ZNG1A: variants seen among roughly 807,000 people sequenced by gnomAD.
The protein encoded by ZNG1A is Zn regulated GTPase metalloprotein activator 1A.
the ZNG1A span, chr9:167,080 A>G: frequency 6.7e-6 from 1 of 149,342 alleles, no homozygotes; most frequent in African/African-American, 2.5e-5. Flanking sequence ...AAAGAAGAAA[A>G]CTCTCAGGCA....
the ZNG1A span, among the ~76,000 whole-genome samples, chr9:163,628 CAA>C: frequency 0.055 from 8,353 of 151,674 alleles, 189 homozygotes; most frequent in African/African-American, 0.1. Context: ...TACTAAAAAA[CAA>C]AAGAGGCAGG....
chr9:175,190 C>T, the ZNG1A span, among the ~76,000 whole-genome samples: 1 of 152,064 alleles, frequency 6.6e-6, no homozygotes, highest in African/African-American at 2.4e-5. Flanking sequence ...CCATCCTGGC[C>T]AACATGGCGA....
the ZNG1A span, among the ~76,000 whole-genome samples, chr9:143,097 C>A: frequency 6.9e-6 from 1 of 144,040 alleles, no homozygotes; most frequent in Non-Finnish European, 1.5e-5. Flanking sequence ...AGATTCACAG[C>A]TGAATTCTAC....
At chr9:128,176 G>A in the ZNG1A span, among the ~76,000 whole-genome samples, 1 of 151,234 alleles carries the variant, frequency 6.6e-6, no homozygotes, top group East Asian at 1.9e-4. Context: ...ATCTTTTTGC[G>A]ATGAATTTCC....
At chr9:155,983 T>A in the ZNG1A span, among the ~76,000 whole-genome samples, 3 of 149,266 alleles carry the variant, frequency 2.0e-5, no homozygotes, top group South Asian at 4.3e-4. Context: ...AAAAAAAAAA[T>A]GCAAAAATTA....
At chr9:166,870 C>T in the ZNG1A span, 7 of 151,796 alleles carry the variant, frequency 4.6e-5, no homozygotes, top group East Asian at 1.9e-4. Context: ...AGAATACATA[C>T]GAACAACAAA....
At chr9:166,667 A>C in the ZNG1A span, 44 of 152,722 alleles carry the variant, frequency 2.9e-4, no homozygotes, top group African/African-American at 9.1e-4. Flanking sequence ...AAGCAAGAAG[A>C]AGCAGAATAA....
chr9:174,217 A>C, the ZNG1A span, among the ~76,000 whole-genome samples: 1 of 151,814 alleles, frequency 6.6e-6, no homozygotes, highest in Non-Finnish European at 1.5e-5. Context: ...TTAAGAAAGA[A>C]TAAACTACAT....
the ZNG1A span, among the ~76,000 whole-genome samples, chr9:163,761 C>T: frequency 6.6e-6 from 1 of 151,262 alleles, no homozygotes; most frequent in Non-Finnish European, 1.5e-5. Flanking sequence ...TACTAAAAAT[C>T]CAAAAATTAG....
At chr9:164,006 A>T in the ZNG1A span, 4 of 1,597,962 alleles carry the variant, frequency 2.5e-6, 1 homozygote, top group Non-Finnish European at 3.4e-6. Context: ...TCCCTAATTC[A>T]GCATCAACCC....
chr9:146,254 T>G, the ZNG1A span: 1 of 1,476,696 alleles, frequency 6.8e-7, no homozygotes, highest in South Asian at 1.2e-5. Context: ...ATTTTATACA[T>G]AAAATTCATA....
At chr9:178,690 C>G in the ZNG1A span, 156 of 1,033,012 alleles carry the variant, frequency 1.5e-4, 23 homozygotes, top group African/African-American at 2.0e-3. Flanking sequence ...GTGACCCAGC[C>G]CCGACCTCGA....
the ZNG1A span, among the ~76,000 whole-genome samples, chr9:155,859 C>T: frequency 5.9e-4 from 89 of 149,858 alleles, 1 homozygote; most frequent in African/African-American, 2.0e-3. Context: ...AATCCCAGCA[C>T]TTTGGGAGGC....
chr9:169,228 T>C, the ZNG1A span, among the ~76,000 whole-genome samples: 2 of 151,826 alleles, frequency 1.3e-5, no homozygotes, highest in Middle Eastern at 3.4e-3. Flanking sequence ...ACAGATGACT[T>C]TGAGGGATTC....
At chr9:153,929 T>A in the ZNG1A span, 1 of 152,172 alleles carries the variant, frequency 6.6e-6, no homozygotes. Context: ...CGAATGTCTC[T>A]CTGTATAGGG....
At chr9:171,421 G>T in the ZNG1A span, among the ~76,000 whole-genome samples, 1 of 152,006 alleles carries the variant, frequency 6.6e-6, no homozygotes, top group African/African-American at 2.4e-5. Flanking sequence ...TTATCTAAAA[G>T]TTATTTGGGG....
At chr9:178,746 G>C in the ZNG1A span, 2 of 1,010,866 alleles carry the variant, frequency 2.0e-6, no homozygotes, top group East Asian at 2.6e-5. Flanking sequence ...CAGGAGAAGA[G>C]GCACCGGCAG....
At chr9:177,750 C>G in the ZNG1A span, 3 of 1,536,246 alleles carry the variant, frequency 2.0e-6, no homozygotes, top group Admixed American at 2.0e-5. Context: ...AAGGCCCGAG[C>G]GGCACGTTTG....
At chr9:130,491 G>A in the ZNG1A span, among the ~76,000 whole-genome samples, 1 of 114,790 alleles carries the variant, frequency 8.7e-6, no homozygotes, top group Non-Finnish European at 1.8e-5. Context: ...GAGTAGAGTG[G>A]CACAATCATG....
Sources: gnomAD v4.1 joint callset for allele counts (sites outside exome capture counted in the v4.1 genomes callset) on GRCh38, gnomAD v4.1.1 for gene constraint, MANE v1.5 for transcripts, NCBI Gene and HGNC (gene_info 2026-07-23, HGNC 2026-07-21) for gene names.